Variants in DLGAP2 observed in about 807,000 individuals in gnomAD.
DLGAP2 encodes the protein DLG associated protein 2.
DLGAP2 carries 26 observed loss-of-function variants against 100.3 expected under a neutral mutation model. The ratio of observed to expected loss-of-function variants is 0.26; its 90% CI spans 0.19 to 0.36. The LOEUF is 0.36. Ranked by LOEUF, DLGAP2 falls within the 10% of genes least tolerant of loss-of-function variation. The pLI, the probability that DLGAP2 is intolerant of heterozygous loss-of-function variation, is 1.00. For synonymous variants in DLGAP2, 886 were observed against 630.1 expected, an observed-to-expected ratio of 1.41 and a Z score of -6.08; for missense variants, 1,858 against 1,453.2, an observed-to-expected ratio of 1.28 and a Z score of -4.53.
intron 8 of DLGAP2, among the ~76,000 whole-genome samples, chr8:1,661,664 G>C (rs1422216505): frequency 6.6e-6 from 1 of 152,178 alleles, no homozygotes; most frequent in Non-Finnish European, 1.5e-5. Context: ...GAGGTCTTTG[G>C]TCTCATTGTC....
intron 2 of DLGAP2, among the ~76,000 whole-genome samples, chr8:1,060,666 C>T (rs1289881360): frequency 6.6e-6 from 1 of 152,212 alleles, no homozygotes; most frequent in Non-Finnish European, 1.5e-5. Flanking sequence ...AGTGGCCCTA[C>T]ATTTTGGGGG....
chr8:1,385,181 C>T (rs1180921105), intron 3 of DLGAP2, among the ~76,000 whole-genome samples: 2 of 46,420 alleles, frequency 4.3e-5, no homozygotes, highest in Admixed American at 2.0e-4. Context: ...GGCCTATGCC[C>T]GTCCCCTGAG....
chr8:1,343,344 A>G (rs1248998812), intron 3 of DLGAP2, among the ~76,000 whole-genome samples: 1 of 152,164 alleles, frequency 6.6e-6, no homozygotes. Context: ...GGTGACATAC[A>G]TAGGACAAGA....
At chr8:1,101,726 CACG>C (rs1357016231) in intron 2 of DLGAP2, among the ~76,000 whole-genome samples, 1 of 121,228 alleles carries the variant, frequency 8.2e-6, no homozygotes, top group African/African-American at 3.1e-5. Flanking sequence ...CCGAACACGA[CACG>C]ACGATGGGAA....
At chr8:772,039 A>T (rs890596577) in intron 1 of DLGAP2, among the ~76,000 whole-genome samples, 34 of 152,024 alleles carry the variant, frequency 2.2e-4, no homozygotes, top group African/African-American at 8.2e-4. Flanking sequence ...AGTAGCTGGG[A>T]CTAAGGCATG....
intron 3 of DLGAP2, among the ~76,000 whole-genome samples, chr8:1,456,053 CTG>C (rs1798302021): frequency 6.6e-6 from 1 of 152,242 alleles, no homozygotes; most frequent in South Asian, 2.1e-4. Flanking sequence ...TCTGAGGAAT[CTG>C]TTGTTGGCCA....
intron 4 of DLGAP2, among the ~76,000 whole-genome samples, chr8:1,534,561 T>C (rs1211385341): frequency 1.3e-5 from 2 of 152,246 alleles, no homozygotes; most frequent in African/African-American, 4.8e-5. Flanking sequence ...AAACTCCTTA[T>C]GTTCACCTTG....
rs148850072 is a variant in DLGAP2 at position 1,415,162 on chromosome 8, C to T, written c.107-86204C>T. The stretch of plus-strand genomic sequence containing the variant: ...CACACATGCGTACAAACAGGCAACT[C>T]TATTCTGCCAACCTGTGGGCTGTGT... On this transcript the variant is annotated intron_variant, in intron 3 of 14. Transcript: ENST00000637795. Among the ~76,000 whole-genome samples the T allele has an allele frequency of 3.1e-3, 472 of 152,358 alleles. 1 individual carries two copies. Among genetic ancestry groups the T allele is most frequent in the Non-Finnish European group, 5.3e-3 (358 of 68,034 alleles).
intron 3 of DLGAP2, among the ~76,000 whole-genome samples, chr8:1,267,586 A>AATAAGATAAG (rs1186600186): frequency 0.019 from 930 of 48,398 alleles, 74 homozygotes; most frequent in Middle Eastern, 0.03. Flanking sequence ...AATAAAATAA[A>AATAAGATAAG]ATAAGATAAG....
At chr8:1,283,748 A>G (rs1452434984) in intron 3 of DLGAP2, among the ~76,000 whole-genome samples, 1 of 152,232 alleles carries the variant, frequency 6.6e-6, no homozygotes, top group Non-Finnish European at 1.5e-5. Flanking sequence ...ATCCATAAAA[A>G]TAAGTAAATA....
intron 3 of DLGAP2, among the ~76,000 whole-genome samples, chr8:1,330,837 G>A (rs563154473): frequency 2.7e-5 from 4 of 147,890 alleles, no homozygotes; most frequent in Non-Finnish European, 5.9e-5. Context: ...TTCTGGGTGG[G>A]AGCACAGCTT....
At chr8:1,245,001 C>T (rs530398020) in intron 2 of DLGAP2, among the ~76,000 whole-genome samples, 60 of 152,322 alleles carry the variant, frequency 3.9e-4, no homozygotes, top group Middle Eastern at 3.4e-3. Context: ...AGACACTGGA[C>T]ATCTTTGACC....
intron 2 of DLGAP2, among the ~76,000 whole-genome samples, chr8:1,117,587 C>A (rs1585076340): frequency 6.6e-6 from 1 of 152,120 alleles, no homozygotes; most frequent in South Asian, 2.1e-4. Context: ...TGGGAAGATG[C>A]TTAGAAATCA....
At chr8:1,128,863 T>C (rs999616923) in intron 2 of DLGAP2, among the ~76,000 whole-genome samples, 1 of 152,154 alleles carries the variant, frequency 6.6e-6, no homozygotes, top group Non-Finnish European at 1.5e-5. Flanking sequence ...TTTTGGCTGA[T>C]GGAAATAAGC....
chr8:1,344,182 G>A (rs796844374), intron 3 of DLGAP2, among the ~76,000 whole-genome samples: 9 of 141,820 alleles, frequency 6.3e-5, no homozygotes, highest in Non-Finnish European at 9.2e-5. Flanking sequence ...GGGCGCTGTC[G>A]TGGGTCCGTG....
chr8:1,135,204 G>A (rs560296411), intron 2 of DLGAP2, among the ~76,000 whole-genome samples: 26 of 152,200 alleles, frequency 1.7e-4, no homozygotes, highest in South Asian at 8.3e-4. Context: ...AACATTGTGG[G>A]GTTTTTTGTT....
intron 1 of DLGAP2, among the ~76,000 whole-genome samples, chr8:882,297 C>T (rs1472692085): frequency 6.6e-6 from 1 of 150,936 alleles, no homozygotes; most frequent in African/African-American, 2.4e-5. Flanking sequence ...CCTCTCCCTG[C>T]GGAGGCCTCT....
chr8:1,491,305 CAGTA>C (rs1799378129), intron 3 of DLGAP2, among the ~76,000 whole-genome samples: 1 of 112,028 alleles, frequency 8.9e-6, no homozygotes, highest in African/African-American at 3.2e-5. Context: ...GCAAGAGAAA[CAGTA>C]AGGCTGCTTT....
intron 3 of DLGAP2, among the ~76,000 whole-genome samples, chr8:1,383,123 A>C (rs758107427): frequency 7.0e-4 from 106 of 152,366 alleles, no homozygotes; most frequent in Non-Finnish European, 1.4e-3. Context: ...GTGACATTGC[A>C]GGGATCATCC....
Sources: gnomAD v4.1 joint callset for allele counts (sites outside exome capture counted in the v4.1 genomes callset) on GRCh38, gnomAD v4.1.1 for gene constraint, MANE v1.5 for transcripts, NCBI Gene and HGNC (gene_info 2026-07-23, HGNC 2026-07-21) for gene names.